CDH23: variants seen among roughly 807,000 people sequenced by gnomAD.
CDH23 encodes the protein cadherin-23.
Under a neutral mutation model 317.1 loss-of-function variants are expected in CDH23, and 189 were observed. The ratio of observed to expected loss-of-function variants is 0.60; its 90% CI spans 0.53 to 0.67. The LOEUF (loss-of-function observed/expected upper bound fraction) is 0.67, where lower values mean the gene tolerates loss of function less well. Among genes scored for constraint, CDH23 ranks in the 30% least tolerant of loss-of-function variants. CDH23 has a pLI of 0.00. For missense variants in CDH23, 4,401 were observed against 4,592.4 expected, an observed-to-expected ratio of 0.96 and a Z score of 1.20; for synonymous variants, 1,839 against 1,876.8, an observed-to-expected ratio of 0.98 and a Z score of 0.52.
chr10:71,560,886 C>T (rs188939282), intron 6 of CDH23, among the ~76,000 whole-genome samples: 37 of 152,262 alleles, frequency 2.4e-4, no homozygotes, highest in African/African-American at 8.7e-4. Context: ...CAGCATCTAG[C>T]AAGCATTCCA....
intron 6 of CDH23, among the ~76,000 whole-genome samples, chr10:71,517,832 G>T (rs538135008): frequency 1.3e-5 from 2 of 152,324 alleles, no homozygotes; most frequent in Admixed American, 1.3e-4. Flanking sequence ...CTGAGCGGCA[G>T]CCCCAGACGA....
intron 6 of CDH23, among the ~76,000 whole-genome samples, chr10:71,564,965 A>T (rs980528519): frequency 6.6e-6 from 1 of 152,248 alleles, no homozygotes; most frequent in African/African-American, 2.4e-5. Context: ...ATCTTATATT[A>T]TTCATGGCTA....
In CDH23 at chr10:71,702,114, G is replaced by A. The variant is rs753788299; in HGVS notation, c.2490G>A (p.Thr830=). 33 of 1,613,836 alleles carry A rather than the reference G, an allele frequency of 2.0e-5. No homozygotes were observed. The highest frequency in any genetic ancestry group is 1.5e-4 in the African/African-American group (11 of 74,914). ...AGTTCTACAGCCTCAACAGCACCAC[G>A]GGCAAGATCCGCACCACCCACGCCA... ...PNKFYSLNST[T]GKIRTTHAML... Residue 830 remains threonine, a synonymous_variant, in exon 23 of 70, where the codon ACG becomes ACA. Transcript: ENST00000224721.
At chr10:71,442,796 C>G (rs1849956555) in intron 2 of CDH23, among the ~76,000 whole-genome samples, 1 of 152,184 alleles carries the variant, frequency 6.6e-6, no homozygotes, top group South Asian at 2.1e-4. Flanking sequence ...GGCTTCCCCA[C>G]CCGACAACAT....
Position 71,739,637 on chromosome 10 carries a change from C to A in CDH23, c.4360-7C>A, listed in dbSNP as rs1038419051. ...TGCTCACCCCTCACCCTCTCTTCTC[C>A]CCACAGGTGGTCTTCTCCCTGGCCT... On this transcript the variant is annotated splice_region_variant and splice_polypyrimidine_tract_variant and intron_variant, in intron 35 of 69. Transcript: ENST00000224721. 4 of 1,612,274 alleles carry A rather than the reference C, an allele frequency of 2.5e-6. No individual in the cohort carries two copies. The African/African-American group carries it at 5.3e-5, about 22-fold the overall frequency.
chr10:71,805,721 GGA>G, intron 55 of CDH23, 83 bp from the exon 56 acceptor site: 1 of 1,355,206 alleles, frequency 7.4e-7, no homozygotes, highest in Non-Finnish European at 9.9e-7. Flanking sequence ...TGCTACGGCA[GGA>G]GAAAGAGCAA....
intron 14 of CDH23, among the ~76,000 whole-genome samples, chr10:71,659,751 A>G (rs929442659): frequency 6.6e-6 from 1 of 152,214 alleles, no homozygotes; most frequent in African/African-American, 2.4e-5. Flanking sequence ...CAACTAATGG[A>G]TAGATGTTCA....
At chr10:71,717,149 T>C (rs1314356252) in intron 28 of CDH23, 1 of 152,234 alleles carries the variant, frequency 6.6e-6, no homozygotes, top group Non-Finnish European at 1.5e-5. Flanking sequence ...GATTTGGCAT[T>C]AGGGAGCCAG....
intron 11 of CDH23, among the ~76,000 whole-genome samples, chr10:71,627,376 GA>G (rs1396077731): frequency 4.0e-5 from 6 of 150,716 alleles, no homozygotes; most frequent in African/African-American, 7.3e-5. Flanking sequence ...TTATTGTGAT[GA>G]TGATGATGAT....
At chr10:71,695,633 T>TG (rs1382362448) in intron 22 of CDH23, 108 bp downstream of exon 22, 1 of 749,806 alleles carries the variant, frequency 1.3e-6, no homozygotes, top group Non-Finnish European at 2.3e-6. Flanking sequence ...GTGGACTCTG[T>TG]GTCCCTCTGA....
intron 18 of CDH23, among the ~76,000 whole-genome samples, chr10:71,684,840 T>A (rs983002387): frequency 6.6e-6 from 1 of 152,140 alleles, no homozygotes; most frequent in Non-Finnish European, 1.5e-5. Flanking sequence ...AAGTTAAGTG[T>A]TCTGGCTAGC....
intron 14 of CDH23, among the ~76,000 whole-genome samples, chr10:71,667,627 C>T (rs73273949): frequency 1.3e-5 from 2 of 151,890 alleles, no homozygotes; most frequent in South Asian, 2.1e-4. Context: ...AGAGATGACA[C>T]GAAGACACAC....
chr10:71,515,756 C>T lies in CDH23; in HGVS notation c.429+4544C>T, dbSNP rs74420529. Among the ~76,000 whole-genome samples, 346 of 152,320 alleles carry T rather than the reference C, an allele frequency of 2.3e-3. 14 individuals carry two copies. In the East Asian group the frequency reaches 0.051, roughly 23 times the overall value. ...TGTAGAGAATGTAGCTAGGAAAAGT[C>T]CTTAGCACAGCCTGTGGCTTGTAGT... is the stretch of plus-strand genomic sequence containing the variant. On this transcript the variant is annotated intron_variant, in intron 6 of 69. Coordinates refer to ENST00000224721, the MANE Select transcript of CDH23 (RefSeq NM_022124.6).
At chr10:71,772,944 T>C (rs1840720188) in intron 38 of CDH23, among the ~76,000 whole-genome samples, 2 of 152,128 alleles carry the variant, frequency 1.3e-5, no homozygotes, top group Non-Finnish European at 1.5e-5. Context: ...TCTGCAACAC[T>C]AGAGCCCTGA....
intron 6 of CDH23, among the ~76,000 whole-genome samples, chr10:71,553,274 T>C (rs1856698348): frequency 6.6e-6 from 1 of 152,080 alleles, no homozygotes; most frequent in Non-Finnish European, 1.5e-5. Context: ...AACTGCCCTC[T>C]CCCTGCCTGG....
chr10:71,585,569 A>T (rs1442996475), intron 9 of CDH23, among the ~76,000 whole-genome samples: 1 of 152,130 alleles, frequency 6.6e-6, no homozygotes, highest in East Asian at 1.9e-4. Context: ...TTTTAATTTA[A>T]TTATACAAAC....
chr10:71,478,354 C>G (rs972241696), intron 3 of CDH23, among the ~76,000 whole-genome samples: 1 of 152,168 alleles, frequency 6.6e-6, no homozygotes, highest in Non-Finnish European at 1.5e-5. Flanking sequence ...AACCTTACAC[C>G]TCAGGGCCTT....
At chr10:71,452,036 A>C (rs1850471869) in intron 3 of CDH23, among the ~76,000 whole-genome samples, 1 of 152,216 alleles carries the variant, frequency 6.6e-6, no homozygotes, top group Admixed American at 6.5e-5. Context: ...CAGATGGCAC[A>C]GATGCTGTAC....
In CDH23 at chr10:71,786,547, A is replaced by G. The variant is rs148239719; in HGVS notation, c.5820+809A>G. Among the ~76,000 whole-genome samples the G allele has an allele frequency of 4.9e-3, 643 of 131,782 alleles. 5 individuals are homozygous for G. The highest frequency in any genetic ancestry group is 0.018 in the African/African-American group (619 of 33,690). The allele number at this position is 131,782 out of a possible 152,430, so 86.5% of individuals were successfully genotyped here. Reference sequence around the variant, plus strand: ...CACTCTGTCACCCAAGCTGGTGTGCAGTGGTGCAATCGTGATCTCAGCTCA... The same window carrying G: ...CACTCTGTCACCCAAGCTGGTGTGCGGTGGTGCAATCGTGATCTCAGCTCA... On this transcript the variant is annotated intron_variant, in intron 44 of 69. Transcript: ENST00000224721.
Sources: gnomAD v4.1 joint callset for allele counts (sites outside exome capture counted in the v4.1 genomes callset) on GRCh38, gnomAD v4.1.1 for gene constraint, MANE v1.5 for transcripts, NCBI Gene and HGNC (gene_info 2026-07-23, HGNC 2026-07-21) for gene names.